The following LSAMP variants were observed in gnomAD, a reference collection of about 807,000 sequenced individuals.
The protein encoded by LSAMP is limbic system-associated membrane protein.
A neutral mutation model predicts 38.6 loss-of-function variants in LSAMP; 7 were observed. That is an observed-to-expected ratio of 0.18 (90% CI 0.10 to 0.34). The LOEUF (loss-of-function observed/expected upper bound fraction) is 0.34. Among genes scored for constraint, LSAMP ranks in the 10% least tolerant of loss-of-function variants. The probability of loss-of-function intolerance (pLI) is 1.00; values close to 1 mark genes in which losing one functional copy is unlikely to be tolerated. For missense variants in LSAMP, 313 were observed against 420.0 expected (o/e 0.75, Z 2.23); for synonymous variants, 154 against 166.8 (o/e 0.92, Z 0.59).
intron 3 of LSAMP, among the ~76,000 whole-genome samples, chr3:115,924,060 G>A (rs1937443957): frequency 6.6e-6 from 1 of 151,876 alleles, no homozygotes; most frequent in African/African-American, 2.4e-5. Flanking sequence ...GTGTAGAGCA[G>A]TTTTGCAACT....
At chr3:115,940,353 A>G (rs1426735757) in intron 3 of LSAMP, among the ~76,000 whole-genome samples, 1 of 150,466 alleles carries the variant, frequency 6.6e-6, no homozygotes, top group Non-Finnish European at 1.5e-5. Context: ...TGATTGGTGC[A>G]TTTACAGTCC....
chr3:116,444,939 G>A lies in LSAMP; in HGVS notation c.93C>T (p.Ser31=). 1 of 1,614,050 alleles carries A rather than the reference G, an allele frequency of 6.2e-7. No homozygotes were observed. Among genetic ancestry groups the A allele is most frequent in the Non-Finnish European group, 8.5e-7 (1 of 1,180,012 alleles). Residue 31 remains serine (S), a synonymous_variant, in exon 1 of 7, where the codon AGC becomes AGT. Transcript: ENST00000490035. ...TGTCCGTGCCTCGGTTAAAATCCAC[G>A]CTGCGAACAGGCAGTCCTGTGGGAA... ...CLLPTGLPVR[S]VDFNRGTDNI...
chr3:115,904,042 A>C (rs1936947790), intron 3 of LSAMP, among the ~76,000 whole-genome samples: 1 of 152,156 alleles, frequency 6.6e-6, no homozygotes, highest in African/African-American at 2.4e-5. Context: ...CATAAAACTC[A>C]TTCTCAAAAG....
intron 3 of LSAMP, among the ~76,000 whole-genome samples, chr3:115,965,050 G>T (rs1169931719): frequency 6.6e-6 from 1 of 151,950 alleles, no homozygotes; most frequent in Non-Finnish European, 1.5e-5. Flanking sequence ...CATGAACAAA[G>T]AGCATACAGT....
intron 1 of LSAMP, among the ~76,000 whole-genome samples, chr3:116,161,025 A>G (rs1176726694): frequency 6.6e-6 from 1 of 152,232 alleles, no homozygotes. Flanking sequence ...ACGTGGGGCT[A>G]TGCAATACTT....
At chr3:115,846,732 T>C (rs1935172277) in intron 4 of LSAMP, among the ~76,000 whole-genome samples, 1 of 152,160 alleles carries the variant, frequency 6.6e-6, no homozygotes, top group African/African-American at 2.4e-5. Flanking sequence ...ATGAATTCTT[T>C]TGGAGAACAA....
intron 3 of LSAMP, among the ~76,000 whole-genome samples, chr3:115,941,171 A>G (rs1041337213): frequency 2.0e-5 from 3 of 152,172 alleles, no homozygotes; most frequent in Non-Finnish European, 4.4e-5. Flanking sequence ...TGTGGTCAAC[A>G]GGTATATGAA....
At chr3:115,945,734 T>C (rs1938075852) in intron 3 of LSAMP, among the ~76,000 whole-genome samples, 1 of 152,144 alleles carries the variant, frequency 6.6e-6, no homozygotes, top group South Asian at 2.1e-4. Flanking sequence ...AAAAAAATTG[T>C]TTAACAGCTT....
intron 3 of LSAMP, among the ~76,000 whole-genome samples, chr3:115,947,693 A>T (rs1379761669): frequency 6.6e-6 from 1 of 152,222 alleles, no homozygotes; most frequent in African/African-American, 2.4e-5. Flanking sequence ...TACAAAAATA[A>T]TTCATAAATT....
At chr3:116,250,775 T>C (rs1576460380) in intron 1 of LSAMP, among the ~76,000 whole-genome samples, 1 of 150,888 alleles carries the variant, frequency 6.6e-6, no homozygotes, top group African/African-American at 2.4e-5. Flanking sequence ...GAGGCTGAGG[T>C]AGGGGATCAC....
At chr3:115,822,947 G>T (rs1025524125) in intron 6 of LSAMP, among the ~76,000 whole-genome samples, 2 of 152,198 alleles carry the variant, frequency 1.3e-5, no homozygotes, top group African/African-American at 2.4e-5. Flanking sequence ...GAATACTGCA[G>T]CCCTAGACAG....
At chr3:116,086,605 G>A in intron 1 of LSAMP, 49 bp from the exon 2 acceptor site, 1 of 1,442,304 alleles carries the variant, frequency 6.9e-7, no homozygotes. Flanking sequence ...AACTATTTCT[G>A]CGTTTCTTCT....
chr3:115,916,002 A>G (rs1319882104), intron 3 of LSAMP, among the ~76,000 whole-genome samples: 1 of 152,182 alleles, frequency 6.6e-6, no homozygotes, highest in Non-Finnish European at 1.5e-5. Context: ...TGCAAAGGCC[A>G]TCCTGTTTTC....
chr3:116,117,821 A>C (rs1239398625), intron 1 of LSAMP, among the ~76,000 whole-genome samples: 2 of 152,228 alleles, frequency 1.3e-5, no homozygotes, highest in African/African-American at 2.4e-5. Context: ...TATACTCTCA[A>C]CATAACTTGT....
At chr3:116,032,579 G>A (rs767643010) in intron 2 of LSAMP, among the ~76,000 whole-genome samples, 33 of 152,108 alleles carry the variant, frequency 2.2e-4, no homozygotes, top group Non-Finnish European at 4.7e-4. Context: ...AGGCTGAGGT[G>A]TGAAGCAGCA....
At chr3:115,852,685 C>G in intron 3 of LSAMP, 68 bp from the exon 4 acceptor site, 1 of 1,401,878 alleles carries the variant, frequency 7.1e-7, no homozygotes, top group Non-Finnish European at 9.6e-7. Context: ...TCTCATTATT[C>G]TTTTTAAAAG....
At chr3:116,441,047 T>TC (rs1161083436) in intron 1 of LSAMP, among the ~76,000 whole-genome samples, 1 of 152,174 alleles carries the variant, frequency 6.6e-6, no homozygotes, top group Non-Finnish European at 1.5e-5. Flanking sequence ...TTTCTTCTTT[T>TC]CCCCCCTTGG....
At chr3:116,087,535 C>A (rs1708018904) in intron 1 of LSAMP, among the ~76,000 whole-genome samples, 2 of 152,132 alleles carry the variant, frequency 1.3e-5, no homozygotes, top group South Asian at 4.1e-4. Context: ...ATGTCTGCCC[C>A]ATAGGGAGAT....
chr3:116,358,525 G>T (rs2048256544), intron 1 of LSAMP, among the ~76,000 whole-genome samples: 1 of 152,058 alleles, frequency 6.6e-6, no homozygotes, highest in African/African-American at 2.4e-5. Context: ...CGGAAGAAAA[G>T]CTTTGTTATG....
Sources: allele counts gnomAD v4.1 joint callset (sites outside exome capture counted in the v4.1 genomes callset), GRCh38; gene constraint gnomAD v4.1.1; transcripts MANE v1.5; gene names NCBI Gene and HGNC (gene_info 2026-07-23, HGNC 2026-07-21).